Variants in TRAPPC9 observed in about 807,000 individuals in gnomAD.
The protein encoded by TRAPPC9 is trafficking protein particle complex subunit 9.
Under a neutral mutation model 124.0 loss-of-function variants are expected in TRAPPC9, and 83 were observed. The ratio of observed to expected loss-of-function variants is 0.67; its 90% CI spans 0.56 to 0.80. The LOEUF (loss-of-function observed/expected upper bound fraction) is 0.80. Among genes scored for constraint, TRAPPC9 ranks in the 30% least tolerant of loss-of-function variants. The probability of loss-of-function intolerance (pLI) is 0.00; values close to 1 mark genes in which losing one functional copy is unlikely to be tolerated. For missense variants in TRAPPC9, 1,302 were observed against 1,508.3 expected, an observed-to-expected ratio of 0.86 and a Z score of 2.27; for synonymous variants, 638 against 617.5, an observed-to-expected ratio of 1.03 and a Z score of -0.49.
At chr8:139,756,356 G>T in intron 21 of TRAPPC9, among the ~76,000 whole-genome samples, 1 of 143,070 alleles carries the variant, frequency 7.0e-6, no homozygotes, top group South Asian at 2.2e-4. Flanking sequence ...GCCAGGGTGG[G>T]GGTAGAGGGA....
rs138569206 is a variant in TRAPPC9, at chr8:140,004,850, G to T, written c.2700-16014C>A. ...AGACACCAATGTTTGCTCATTCCCA[G>T]GAGTGTACTAAAGTGAATTAGCATA... On this transcript the variant is annotated intron_variant, in intron 18 of 22. Transcript: ENST00000438773. 3.3e-4 allele frequency among the ~76,000 whole-genome samples: 51 copies of T among 152,268 alleles called. 1 individual carries two copies. The East Asian group carries it at 9.3e-3, about 28-fold the overall frequency.
chr8:140,241,120 C>T lies in TRAPPC9; in HGVS notation c.2431+11657G>A, dbSNP rs1432350795. 1.3e-5 allele frequency among the ~76,000 whole-genome samples: 2 copies of T among 152,136 alleles called. No individual in the cohort carries two copies. The highest frequency in any genetic ancestry group is 4.8e-5 in the African/African-American group (2 of 41,406). On this transcript the variant is annotated intron_variant, in intron 16 of 22. Transcript: ENST00000438773. The surrounding 1 kb of genome is among the most constrained non-coding windows in gnomAD (Gnocchi z 5.0). ...GGACCTGTTCAAAGACCATTCAGGC[C>T]GGGTGTGGTGGCTCACACCTGTAAT...
rs113496870 is a variant in TRAPPC9, at chr8:139,775,921, C to T, written c.3056-43719G>A. Among the ~76,000 whole-genome samples, 183 of 152,344 alleles carry T rather than the reference C, an allele frequency of 1.2e-3. 1 individual carries two copies. The highest frequency in any genetic ancestry group is 4.1e-3 in the African/African-American group (171 of 41,590). On this transcript the variant is annotated intron_variant, in intron 21 of 22. Coordinates refer to ENST00000438773, the MANE Select transcript of TRAPPC9 (RefSeq NM_001160372.4). ...CACAGATGAGAGTCAACTCCGCCTT[C>T]GGGCACACCCAAGGCAGGTCCACTC...
chr8:140,245,282 C>G (rs566888304), intron 16 of TRAPPC9, among the ~76,000 whole-genome samples: 12 of 152,324 alleles, frequency 7.9e-5, no homozygotes, highest in Non-Finnish European at 1.8e-4. Context: ...CCAATGCTGA[C>G]GTCCTCCCTC....
At chr8:139,792,403 C>T (rs185059933) in intron 21 of TRAPPC9, among the ~76,000 whole-genome samples, 2 of 152,346 alleles carry the variant, frequency 1.3e-5, no homozygotes, top group African/African-American at 4.8e-5. Context: ...GTGTGTGCCA[C>T]ACGCGTGTGC....
intron 19 of TRAPPC9, chr8:139,933,653 A>G (rs913248054): frequency 2.0e-5 from 3 of 151,706 alleles, no homozygotes; most frequent in Non-Finnish European, 2.9e-5. Flanking sequence ...CCCAAACTCG[A>G]CTCTTCTACT....
intron 21 of TRAPPC9, among the ~76,000 whole-genome samples, chr8:139,772,417 CT>C (rs1307570692): frequency 3.9e-5 from 6 of 152,214 alleles, no homozygotes; most frequent in African/African-American, 1.4e-4. Flanking sequence ...AGGGACTCAT[CT>C]GACAGTCCCC....
At chr8:140,415,738 GT>G (rs1313330986) in intron 5 of TRAPPC9, among the ~76,000 whole-genome samples, 1 of 152,134 alleles carries the variant, frequency 6.6e-6, no homozygotes, top group African/African-American at 2.4e-5. Context: ...GGAAGCAGAG[GT>G]GAGAAGATCA....
At chr8:139,942,724 G>T (rs1305692389) in intron 19 of TRAPPC9, among the ~76,000 whole-genome samples, 1 of 152,184 alleles carries the variant, frequency 6.6e-6, no homozygotes, top group South Asian at 2.1e-4. Context: ...CAGACACCCG[G>T]AAGAAGGAAA....
At chr8:140,133,951 ATTG>A (rs1256865184) in intron 17 of TRAPPC9, among the ~76,000 whole-genome samples, 1 of 152,134 alleles carries the variant, frequency 6.6e-6, no homozygotes, top group African/African-American at 2.4e-5. Context: ...TAGATTTATT[ATTG>A]TTAAGATGCC....
At chr8:140,305,008 C>T (rs1178187664) in intron 10 of TRAPPC9, among the ~76,000 whole-genome samples, 1 of 152,204 alleles carries the variant, frequency 6.6e-6, no homozygotes, top group Non-Finnish European at 1.5e-5. Flanking sequence ...TGTTGCTGAG[C>T]ATGCTACTCA....
Position 139,746,358 on chromosome 8 carries a change from G to C in TRAPPC9, c.3056-14156C>G, listed in dbSNP as rs968230429. On this transcript the variant is annotated intron_variant, in intron 21 of 22. Transcript: ENST00000438773. ...AGACCAAGGGGACTTAGAGGGAAAG[G>C]ACAAACCTGGACCGTAAACACATCC... Among the ~76,000 whole-genome samples, 17 of 152,224 alleles carry C rather than the reference G, an allele frequency of 1.1e-4. 1 individual carries two copies. The highest frequency in any genetic ancestry group is 1.0e-3 in the Admixed American group (16 of 15,282).
intron 16 of TRAPPC9, among the ~76,000 whole-genome samples, chr8:140,237,802 G>A (rs574483867): frequency 4.6e-5 from 7 of 152,204 alleles, no homozygotes; most frequent in East Asian, 1.9e-4. Flanking sequence ...ACATGACTGC[G>A]GTGACAATGT....
intron 19 of TRAPPC9, among the ~76,000 whole-genome samples, chr8:139,917,431 C>T (rs1216426056): frequency 1.3e-5 from 2 of 152,086 alleles, no homozygotes; most frequent in African/African-American, 2.4e-5. Flanking sequence ...CTGCCTGCCT[C>T]GGCCTCCCAA....
intron 17 of TRAPPC9, among the ~76,000 whole-genome samples, chr8:140,029,725 A>C (rs531880093): frequency 6.6e-6 from 1 of 151,680 alleles, no homozygotes; most frequent in South Asian, 2.1e-4. Flanking sequence ...AATTAGAAAG[A>C]ATATCAATTT....
intron 17 of TRAPPC9, among the ~76,000 whole-genome samples, chr8:140,114,349 A>AC (rs2060839057): frequency 6.6e-6 from 1 of 151,268 alleles, no homozygotes. Flanking sequence ...AAAAAAAAAA[A>AC]AACCTCACAA....
intron 13 of TRAPPC9, among the ~76,000 whole-genome samples, chr8:140,286,401 A>G (rs2065484830): frequency 6.6e-6 from 1 of 152,170 alleles, no homozygotes; most frequent in Non-Finnish European, 1.5e-5. Context: ...CACTAGGAAG[A>G]TCGCCGGGCC....
At chr8:140,237,201 T>C (rs896934778) in intron 16 of TRAPPC9, among the ~76,000 whole-genome samples, 6 of 150,444 alleles carry the variant, frequency 4.0e-5, no homozygotes, top group African/African-American at 1.5e-4. Context: ...AAAAAATAAA[T>C]AAAATAAAAT....
intron 20 of TRAPPC9, among the ~76,000 whole-genome samples, chr8:139,897,911 G>A (rs925002470): frequency 1.3e-5 from 2 of 152,264 alleles, no homozygotes; most frequent in African/African-American, 4.8e-5. Flanking sequence ...AGAGGCACTT[G>A]TGTTGCCCCT....
Sources: gnomAD v4.1 joint callset for allele counts (sites outside exome capture counted in the v4.1 genomes callset) on GRCh38, gnomAD v4.1.1 for gene constraint, Gnocchi (gnomAD v3.1) non-coding constraint, MANE v1.5 for transcripts, NCBI Gene and HGNC (gene_info 2026-07-23, HGNC 2026-07-21) for gene names.